The following OOSP3 variants were observed in gnomAD, a reference collection of about 807,000 sequenced individuals.
OOSP3 encodes the protein oocyte-secreted protein 3.
At chr11:59,883,543 T>A (rs1227534260) in intron 2 of OOSP3, among the ~76,000 whole-genome samples, 1 of 152,200 alleles carries the variant, frequency 6.6e-6, no homozygotes, top group Non-Finnish European at 1.5e-5. Context: ...GAAGATTACA[T>A]GTAGTAAAAT....
At chr11:59,880,733 G>T (rs762367747) in intron 2 of OOSP3, among the ~76,000 whole-genome samples, 2 of 152,170 alleles carry the variant, frequency 1.3e-5, no homozygotes, top group Non-Finnish European at 2.9e-5. Context: ...AGCAGGCATT[G>T]TTCCTAGTTT....
intron 2 of OOSP3, 86 bp downstream of exon 2, chr11:59,880,525 T>G (rs1853189555): frequency 2.5e-6 from 1 of 397,480 alleles, no homozygotes; most frequent in East Asian, 3.6e-5. Flanking sequence ...GTGCGAGATT[T>G]TTTTATGGCT....
intron 2 of OOSP3, among the ~76,000 whole-genome samples, chr11:59,886,312 G>A (rs1239391819): frequency 6.6e-6 from 1 of 152,200 alleles, no homozygotes; most frequent in African/African-American, 2.4e-5. Flanking sequence ...CATTTGGGTT[G>A]ATTCCATGTC....
intron 2 of OOSP3, among the ~76,000 whole-genome samples, chr11:59,882,588 A>G (rs1404413687): frequency 6.6e-6 from 1 of 152,202 alleles, no homozygotes; most frequent in Non-Finnish European, 1.5e-5. Context: ...TAGAATTTCA[A>G]CAGTATTAAA....
chr11:59,891,079 T>C (rs1853307726), intron 2 of OOSP3, among the ~76,000 whole-genome samples: 1 of 152,210 alleles, frequency 6.6e-6, no homozygotes, highest in Admixed American at 6.5e-5. Flanking sequence ...TATTGATACT[T>C]GTGTTTGCAT....
At position 59,893,350 on chromosome 11, in the gene OOSP3, C is replaced by T. The variant is rs183770421; in HGVS notation, c.253-729C>T. Among the ~76,000 whole-genome samples the T allele has an allele frequency of 7.2e-5, 11 of 152,134 alleles. No homozygotes were observed. The East Asian group carries it at 2.1e-3, about 29-fold the overall frequency. ...TAAGATTATAAATCTTTGACCATAACTGTAGTGGCTTTTTTTTCTTTTTTG... is the reference window on the plus strand; with the variant it reads ...TAAGATTATAAATCTTTGACCATAATTGTAGTGGCTTTTTTTTCTTTTTTG... On this transcript the variant is annotated intron_variant, in intron 2 of 4. Transcript: ENST00000646438.
intron 2 of OOSP3, among the ~76,000 whole-genome samples, chr11:59,893,588 C>T (rs1281088199): frequency 2.6e-5 from 4 of 152,138 alleles, no homozygotes; most frequent in South Asian, 2.1e-4. Flanking sequence ...TGAGCTCAAG[C>T]GATCCTCCTG....
At chr11:59,884,475 GTCTCTCTCTC>G (rs60145654) in intron 2 of OOSP3, among the ~76,000 whole-genome samples, 8,907 of 113,744 alleles carry the variant, frequency 0.078, 347 homozygotes, top group African/African-American at 0.1. Context: ...CTGTCTGTCT[GTCTCTCTCTC>G]TCTCTCTCTC....
At chr11:59,890,077 T>C (rs1853297371) in intron 2 of OOSP3, among the ~76,000 whole-genome samples, 1 of 152,210 alleles carries the variant, frequency 6.6e-6, no homozygotes, top group African/African-American at 2.4e-5. Context: ...AATTCTATTT[T>C]GTCAGAAACT....
chr11:59,892,441 G>A (rs1180732173), intron 2 of OOSP3, among the ~76,000 whole-genome samples: 1 of 152,088 alleles, frequency 6.6e-6, no homozygotes, highest in Non-Finnish European at 1.5e-5. Context: ...GGCGGGAGCT[G>A]CAGACTGGAG....
intron 2 of OOSP3, 27 bp from the exon 3 acceptor site, chr11:59,894,052 A>G: frequency 5.0e-6 from 2 of 398,416 alleles, no homozygotes; most frequent in Non-Finnish European, 8.9e-6. Flanking sequence ...CATGACATCA[A>G]CTTATAAAGT....
intron 2 of OOSP3, among the ~76,000 whole-genome samples, chr11:59,884,465 CTG>C (rs1176760006): frequency 2.0e-4 from 24 of 117,508 alleles, no homozygotes; most frequent in African/African-American, 9.2e-4. Flanking sequence ...GTCTGTCTGT[CTG>C]TCTGTCTGTC....
intron 2 of OOSP3, among the ~76,000 whole-genome samples, chr11:59,892,694 G>GAAAAGTAAA (rs1853323157): frequency 6.6e-6 from 1 of 150,856 alleles, no homozygotes; most frequent in African/African-American, 2.4e-5. Context: ...AGCATTTCAG[G>GAAAAGTAAA]AAAAGTAAAA....
At chr11:59,879,311 C>A (rs903629679) in intron 1 of OOSP3, among the ~76,000 whole-genome samples, 1 of 152,086 alleles carries the variant, frequency 6.6e-6, no homozygotes, top group Non-Finnish European at 1.5e-5. Context: ...TAAAGTTCTT[C>A]ATTTTTTCTC....
intron 3 of OOSP3, among the ~76,000 whole-genome samples, chr11:59,894,818 C>A (rs889507680): frequency 1.3e-5 from 2 of 152,170 alleles, no homozygotes; most frequent in South Asian, 2.1e-4. Context: ...CTTGAACACA[C>A]CTTCTCACCT....
At chr11:59,892,982 T>A (rs889794528) in intron 2 of OOSP3, among the ~76,000 whole-genome samples, 8 of 152,228 alleles carry the variant, frequency 5.3e-5, no homozygotes, top group Non-Finnish European at 8.8e-5. Flanking sequence ...TTTCTTATTG[T>A]TTTATGAAGA....
intron 2 of OOSP3, among the ~76,000 whole-genome samples, chr11:59,888,910 G>T (rs1181088736): frequency 1.3e-5 from 2 of 152,166 alleles, no homozygotes; most frequent in East Asian, 1.9e-4. Flanking sequence ...GAATTCAGCT[G>T]TAAATCCAAC....
chr11:59,885,109 CT>C (rs1853241294), intron 2 of OOSP3, among the ~76,000 whole-genome samples: 1 of 152,006 alleles, frequency 6.6e-6, no homozygotes, highest in Non-Finnish European at 1.5e-5. Context: ...GTTTTTTCCC[CT>C]GAAACTATTG....
intron 2 of OOSP3, among the ~76,000 whole-genome samples, chr11:59,887,037 C>T (rs1469627481): frequency 2.0e-5 from 3 of 151,760 alleles, no homozygotes; most frequent in Non-Finnish European, 2.9e-5. Context: ...TCAAGTGATT[C>T]GTGTGCCTTG....
Sources: gnomAD v4.1 joint callset for allele counts (sites outside exome capture counted in the v4.1 genomes callset) on GRCh38, gnomAD v4.1.1 for gene constraint, MANE v1.5 for transcripts, NCBI Gene and HGNC (gene_info 2026-07-23, HGNC 2026-07-21) for gene names.